Variants in FBXO8 observed in about 807,000 individuals in gnomAD.
FBXO8 encodes the protein F-box protein 8, also known as F-box only protein 8.
A neutral mutation model predicts 33.4 loss-of-function variants in FBXO8; 15 were observed. That is an observed-to-expected ratio of 0.45 (90% CI 0.30 to 0.69). The LOEUF is 0.69. FBXO8 is among the 30% of genes least tolerant of loss of function. The pLI is 0.08. For missense variants in FBXO8, 274 were observed against 380.3 expected (o/e 0.72, Z 2.32); for synonymous variants, 132 against 131.5 (o/e 1.00, Z -0.02).
chr4:174,275,230 C>T lies in FBXO8; in HGVS notation c.-9+8180G>A, dbSNP rs908383126. ...TCATTAGCCAGGAGAGAGGTGCGTA[C>T]GGTTATAAAAGCACAGTGTGAGAGA... On this transcript the variant is annotated intron_variant, in intron 1 of 5. Coordinates refer to ENST00000393674, the MANE Select transcript of FBXO8 (RefSeq NM_012180.3). The surrounding 1 kb of genome is among the most constrained non-coding windows in gnomAD (Gnocchi z 4.4). Among the ~76,000 whole-genome samples, 6 of 152,076 alleles carry T rather than the reference C, an allele frequency of 3.9e-5. No individual in the cohort carries two copies. Among genetic ancestry groups the T allele is most frequent in the South Asian group, 2.1e-4 (1 of 4,832 alleles).
At position 174,267,212 on chromosome 4, in the gene FBXO8, T is replaced by C. The variant is rs1184037365; in HGVS notation, c.-8-4112A>G. The stretch of plus-strand genomic sequence containing the variant: ...TCAGCATGCCTGAGGATGGTGCCAA[T>C]AGCAGTTCCATGAAATAGGTCTTTG... On this transcript the variant is annotated intron_variant, in intron 1 of 5. Transcript: ENST00000393674. This position sits in a 1 kb window ranked among gnomAD's most constrained non-coding sequence, Gnocchi z 4.7. 6.6e-6 allele frequency among the ~76,000 whole-genome samples: 1 copy of C among 152,174 alleles called. No individual in the cohort carries two copies. The highest frequency in any genetic ancestry group is 2.1e-4 in the South Asian group (1 of 4,826).
intron 1 of FBXO8, among the ~76,000 whole-genome samples, chr4:174,276,478 C>T (rs1481184834): frequency 1.3e-5 from 2 of 152,112 alleles, no homozygotes; most frequent in Admixed American, 1.3e-4. Flanking sequence ...CTATGTGATC[C>T]GCCTGCCTCG....
rs569638835 is a variant in FBXO8, at chr4:174,247,999, A to C, written c.457-6781T>G. On this transcript the variant is annotated intron_variant, in intron 3 of 5. Transcript: ENST00000393674. The surrounding 1 kb of genome is among the most constrained non-coding windows in gnomAD (Gnocchi z 4.6). ...GCCTCACAGAATGTGAATAATTGAC[A>C]ATATTTATCTGAGGATATTTATTAT... Among the ~76,000 whole-genome samples, 42 of 152,178 alleles carry C rather than the reference A, an allele frequency of 2.8e-4. No individual in the cohort carries two copies. Among genetic ancestry groups the C allele is most frequent in the Admixed American group, 1.2e-3 (19 of 15,244 alleles).
intron 1 of FBXO8, among the ~76,000 whole-genome samples, chr4:174,271,999 A>T (rs1227747361): frequency 7.2e-5 from 11 of 152,030 alleles, no homozygotes; most frequent in Admixed American, 6.6e-4. Flanking sequence ...TTTACTTGGG[A>T]CCCCCTTAGG....
chr4:174,240,385 T>C (rs1356398163), intron 4 of FBXO8, among the ~76,000 whole-genome samples: 1 of 151,782 alleles, frequency 6.6e-6, no homozygotes, highest in African/African-American at 2.4e-5. Flanking sequence ...AAAATACTGA[T>C]ATATACAAAA....
chr4:174,278,935 G>A lies in FBXO8; in HGVS notation c.-9+4475C>T, dbSNP rs1215841480. On this transcript the variant is annotated intron_variant, in intron 1 of 5. Coordinates refer to ENST00000393674, the MANE Select transcript of FBXO8 (RefSeq NM_012180.3). This position sits in a 1 kb window ranked among gnomAD's most constrained non-coding sequence, Gnocchi z 4.1. ...CTCAGTCTCCTTCCTTAGCTAGTAG[G>A]GAGCATCAGCCAAGTCACTAAAATT... Among the ~76,000 whole-genome samples, 1 of 152,060 alleles carries A rather than the reference G, an allele frequency of 6.6e-6. No individual in the cohort carries two copies. The highest frequency in any genetic ancestry group is 1.5e-5 in the Non-Finnish European group (1 of 67,954).
At chr4:174,238,399 C>T (rs1735937989) in intron 5 of FBXO8, among the ~76,000 whole-genome samples, 1 of 151,750 alleles carries the variant, frequency 6.6e-6, no homozygotes, top group Non-Finnish European at 1.5e-5. Flanking sequence ...ACAAATTTCA[C>T]ACGACAGGAA....
chr4:174,258,730 T>C (rs1345644946), intron 3 of FBXO8, among the ~76,000 whole-genome samples: 1 of 151,912 alleles, frequency 6.6e-6, no homozygotes, highest in African/African-American at 2.4e-5. Flanking sequence ...GAAAAAGATA[T>C]TATTGGTATT....
chr4:174,243,547 A>G (rs932265323), intron 3 of FBXO8, among the ~76,000 whole-genome samples: 2 of 143,352 alleles, frequency 1.4e-5, no homozygotes, highest in African/African-American at 5.0e-5. Context: ...ATTAAAAGTA[A>G]TGTCAAAAAA....
In FBXO8 at chr4:174,265,950, T is replaced by C. The variant is rs931527039; in HGVS notation, c.-8-2850A>G. 1.3e-5 allele frequency among the ~76,000 whole-genome samples: 2 copies of C among 152,234 alleles called. No homozygotes were observed. The highest frequency in any genetic ancestry group is 4.8e-5 in the African/African-American group (2 of 41,466). Reference sequence around the variant, plus strand: ...ATTTTAAATAATTAAATTTATTCTCTTTTGTTTTTGTACCACTAAAGGTAA... The same window carrying C: ...ATTTTAAATAATTAAATTTATTCTCCTTTGTTTTTGTACCACTAAAGGTAA... On this transcript the variant is annotated intron_variant, in intron 1 of 5. Coordinates refer to ENST00000393674, the MANE Select transcript of FBXO8 (RefSeq NM_012180.3). The surrounding 1 kb of genome is among the most constrained non-coding windows in gnomAD (Gnocchi z 4.7).
chr4:174,281,097 G>A lies in FBXO8; in HGVS notation c.-9+2313C>T, dbSNP rs1438085719. Among the ~76,000 whole-genome samples the A allele has an allele frequency of 6.6e-6, 1 of 152,122 alleles. No individual in the cohort carries two copies. Among genetic ancestry groups the A allele is most frequent in the African/African-American group, 2.4e-5 (1 of 41,420 alleles). On this transcript the variant is annotated intron_variant, in intron 1 of 5. Coordinates refer to ENST00000393674, the MANE Select transcript of FBXO8 (RefSeq NM_012180.3). This position sits in a 1 kb window ranked among gnomAD's most constrained non-coding sequence, Gnocchi z 4.6. The stretch of plus-strand genomic sequence containing the variant: ...TTCTGTGATCCCATAAAAATAAAAT[G>A]AGGGAAAAAACTCTGAAAAACAAAT...
rs2126446956 is a variant in FBXO8, at chr4:174,272,973, A to G, written c.-8-9873T>C. Among the ~76,000 whole-genome samples the G allele has an allele frequency of 6.6e-6, 1 of 152,338 alleles. No homozygotes were observed. The highest frequency in any genetic ancestry group is 2.1e-4 in the South Asian group (1 of 4,828). On this transcript the variant is annotated intron_variant, in intron 1 of 5. Coordinates refer to ENST00000393674, the MANE Select transcript of FBXO8 (RefSeq NM_012180.3). The surrounding 1 kb of genome is among the most constrained non-coding windows in gnomAD (Gnocchi z 4.7). ...GGAATATCAGAGAAACTCAAAAGGC[A>G]GTCTGTAAAATAACAGAATATTTTC...
rs569446185 is a variant in FBXO8 at position 174,262,372 on chromosome 4, C to A, written c.329+392G>T. On this transcript the variant is annotated intron_variant, in intron 2 of 5. Coordinates refer to ENST00000393674, the MANE Select transcript of FBXO8 (RefSeq NM_012180.3). This position sits in a 1 kb window ranked among gnomAD's most constrained non-coding sequence, Gnocchi z 4.6. ...GACTATTCATTGATTTCGAAGTCTG[C>A]CTATTATTCAGATGGCAGGTATCCT... Among the ~76,000 whole-genome samples, 12 of 152,202 alleles carry A rather than the reference C, an allele frequency of 7.9e-5. No homozygotes were observed. The highest frequency in any genetic ancestry group is 2.9e-4 in the African/African-American group (12 of 41,546).
intron 5 of FBXO8, 136 bp downstream of exon 5, chr4:174,238,858 C>G: frequency 1.8e-6 from 1 of 559,114 alleles, no homozygotes; most frequent in Non-Finnish European, 2.9e-6. Context: ...TAGTCAGTCA[C>G]TGCTACAAAC....
intron 1 of FBXO8, among the ~76,000 whole-genome samples, chr4:174,276,264 G>A (rs181223939): frequency 6.6e-6 from 1 of 152,270 alleles, no homozygotes; most frequent in East Asian, 1.9e-4. Flanking sequence ...CTGAGTTGGA[G>A]TCTTGCTCTG....
At position 174,281,700 on chromosome 4, in the gene FBXO8, A is replaced by G. The variant is rs1344552012; in HGVS notation, c.-9+1710T>C. Among the ~76,000 whole-genome samples, 1 of 152,200 alleles carries G rather than the reference A, an allele frequency of 6.6e-6. No homozygotes were observed. Among genetic ancestry groups the G allele is most frequent in the Non-Finnish European group, 1.5e-5 (1 of 68,042 alleles). On this transcript the variant is annotated intron_variant, in intron 1 of 5. Transcript: ENST00000393674. The surrounding 1 kb of genome is among the most constrained non-coding windows in gnomAD (Gnocchi z 4.6). ...GAATAAAAATCTGTCTCAAAAAAAT[A>G]CTTGCCCCAAATATGATATAAATTT...
rs1459280767 is a variant in FBXO8, at chr4:174,252,937, C to G, written c.456+6762G>C. ...AGTGAGCCAAGACTGCACCACTGCA[C>G]TCCAGCCTGGGCAACAGAGTGAGCC... On this transcript the variant is annotated intron_variant, in intron 3 of 5. Transcript: ENST00000393674. The surrounding 1 kb of genome is among the most constrained non-coding windows in gnomAD (Gnocchi z 5.1). Among the ~76,000 whole-genome samples, 1 of 152,104 alleles carries G rather than the reference C, an allele frequency of 6.6e-6. No homozygotes were observed. Among genetic ancestry groups the G allele is most frequent in the East Asian group, 1.9e-4 (1 of 5,176 alleles).
At chr4:174,246,056 G>A (rs191803560) in intron 3 of FBXO8, among the ~76,000 whole-genome samples, 99 of 152,098 alleles carry the variant, frequency 6.5e-4, no homozygotes, top group African/African-American at 2.0e-3. Flanking sequence ...AAAAGTGAGG[G>A]TTGAAGATAT....
At position 174,259,215 on chromosome 4, in the gene FBXO8, T is replaced by C. The variant is rs1396346364; in HGVS notation, c.456+484A>G. 6.6e-6 allele frequency among the ~76,000 whole-genome samples: 1 copy of C among 152,104 alleles called. No homozygotes were observed. The highest frequency in any genetic ancestry group is 1.5e-5 in the Non-Finnish European group (1 of 67,958). On this transcript the variant is annotated intron_variant, in intron 3 of 5. Transcript: ENST00000393674. This position sits in a 1 kb window ranked among gnomAD's most constrained non-coding sequence, Gnocchi z 4.3. Reference sequence around the variant, plus strand: ...TATAACAATCTATAAATAGTTCCTATGTCAACATGGAATTATATTGTTAAA... The same window carrying C: ...TATAACAATCTATAAATAGTTCCTACGTCAACATGGAATTATATTGTTAAA...
Sources: gnomAD v4.1 joint callset for allele counts (sites outside exome capture counted in the v4.1 genomes callset) on GRCh38, gnomAD v4.1.1 for gene constraint, Gnocchi (gnomAD v3.1) non-coding constraint, MANE v1.5 for transcripts, NCBI Gene and HGNC (gene_info 2026-07-23, HGNC 2026-07-21) for gene names.